UMAD1: variants seen among roughly 807,000 people sequenced by gnomAD.
UMAD1 encodes UBAP1-MVB12-associated (UMA)-domain containing protein 1.
A neutral mutation model predicts 6.1 loss-of-function variants in UMAD1; 8 were observed. The observed-to-expected ratio is 1.30, with a 90% CI of 0.76 to 2.35. UMAD1 has a LOEUF of 2.35. Ranked by LOEUF, UMAD1 falls within the 30% of genes most tolerant of loss-of-function variation. The pLI, the probability that UMAD1 is intolerant of heterozygous loss-of-function variation, is 0.00. For missense variants in UMAD1, 130 were observed against 78.4 expected (o/e 1.66, Z -2.49); for synonymous variants, 56 against 31.4 (o/e 1.78, Z -2.61).
chr7:7,767,398 T>A (rs1782010236), intron 2 of UMAD1, among the ~76,000 whole-genome samples: 2 of 152,160 alleles, frequency 1.3e-5, no homozygotes, highest in Admixed American at 1.3e-4. Context: ...GTGCTGAGAT[T>A]ACAGGCGTGA....
chr7:7,789,996 G>A (rs1331568187), intron 2 of UMAD1, among the ~76,000 whole-genome samples: 1 of 152,132 alleles, frequency 6.6e-6, no homozygotes, highest in East Asian at 1.9e-4. Flanking sequence ...TTCTTACAGA[G>A]TTATTTATTT....
intron 2 of UMAD1, among the ~76,000 whole-genome samples, chr7:7,688,732 A>G (rs1210967576): frequency 2.6e-5 from 4 of 152,120 alleles, no homozygotes; most frequent in African/African-American, 7.2e-5. Flanking sequence ...CTTGCCAATT[A>G]TGTTGTAACC....
chr7:7,826,909 A>G lies in UMAD1; in HGVS notation c.156+25166A>G, dbSNP rs1239285763. On this transcript the variant is annotated intron_variant, in intron 3 of 3. Coordinates refer to ENST00000682710, the MANE Select transcript of UMAD1 (RefSeq NM_001302348.2). ...AAATTTTGCCTTTATGGATCATTCA[A>G]TTCAAAATAATTAGAACTAAAATTT... 2.0e-5 allele frequency among the ~76,000 whole-genome samples: 3 copies of G among 152,302 alleles called. No homozygotes were observed. The South Asian group carries it at 6.2e-4, about 32-fold the overall frequency.
intron 1 of UMAD1, among the ~76,000 whole-genome samples, chr7:7,648,586 C>A (rs1785150030): frequency 6.6e-6 from 1 of 152,154 alleles, no homozygotes; most frequent in African/African-American, 2.4e-5. Context: ...GGAATTGGCT[C>A]ACTCCTGTAA....
At chr7:7,744,063 C>T (rs1413503967) in intron 2 of UMAD1, among the ~76,000 whole-genome samples, 1 of 152,116 alleles carries the variant, frequency 6.6e-6, no homozygotes, top group African/African-American at 2.4e-5. Context: ...TATCCATTAG[C>T]AGTTACTCAC....
chr7:7,869,849 G>T (rs886193347), intron 3 of UMAD1, among the ~76,000 whole-genome samples: 3 of 152,146 alleles, frequency 2.0e-5, no homozygotes, highest in Non-Finnish European at 2.9e-5. Context: ...CAAGAGCGAG[G>T]TTCACAAGGA....
At chr7:7,871,239 T>C (rs1283885253) in intron 3 of UMAD1, among the ~76,000 whole-genome samples, 1 of 152,224 alleles carries the variant, frequency 6.6e-6, no homozygotes, top group East Asian at 1.9e-4. Context: ...GCATCTTTTT[T>C]CTTCCTAAAT....
At chr7:7,644,358 T>C (rs960252512) in intron 1 of UMAD1, among the ~76,000 whole-genome samples, 1 of 151,942 alleles carries the variant, frequency 6.6e-6, no homozygotes, top group Non-Finnish European at 1.5e-5. Context: ...TCCATCCTTT[T>C]TTTTTTTTTA....
At position 7,763,518 on chromosome 7, in the gene UMAD1, A is replaced by G. The variant is rs537834036; in HGVS notation, c.83-38152A>G. On this transcript the variant is annotated intron_variant, in intron 2 of 3. Transcript: ENST00000682710. ...TTATAAATGAGAACATGCAAAGCCA[A>G]TGACATTTTTCCAGTCATTGGAGTA... is the stretch of plus-strand genomic sequence containing the variant. Among the ~76,000 whole-genome samples the G allele has an allele frequency of 5.8e-4, 88 of 152,326 alleles. No homozygotes were observed. The Middle Eastern group carries it at 0.01, about 18-fold the overall frequency.
chr7:7,669,052 A>G (rs113360283), intron 1 of UMAD1, among the ~76,000 whole-genome samples: 2 of 151,348 alleles, frequency 1.3e-5, no homozygotes, highest in South Asian at 2.1e-4. Context: ...AACTCTACAC[A>G]TATATAGACA....
intron 3 of UMAD1, among the ~76,000 whole-genome samples, chr7:7,844,627 A>G (rs1022442050): frequency 1.3e-5 from 2 of 152,140 alleles, no homozygotes; most frequent in African/African-American, 4.8e-5. Flanking sequence ...CATTTTTCTT[A>G]TCTTTTTTCC....
At chr7:7,876,537 A>G (rs1461252105) in intron 3 of UMAD1, among the ~76,000 whole-genome samples, 2 of 152,140 alleles carry the variant, frequency 1.3e-5, no homozygotes, top group East Asian at 1.9e-4. Context: ...TCTTCTATTG[A>G]TTGATATTTA....
chr7:7,811,510 A>C (rs1422994780), intron 3 of UMAD1, among the ~76,000 whole-genome samples: 3 of 152,176 alleles, frequency 2.0e-5, no homozygotes, highest in African/African-American at 7.2e-5. Context: ...ACTAAGTATG[A>C]TCTAGGATAT....
At chr7:7,782,237 A>T (rs1006020160) in intron 2 of UMAD1, among the ~76,000 whole-genome samples, 35 of 127,348 alleles carry the variant, frequency 2.7e-4, no homozygotes, top group Non-Finnish European at 5.9e-4. Flanking sequence ...AAACTTTAGG[A>T]TAAATAAGGG....
intron 2 of UMAD1, among the ~76,000 whole-genome samples, chr7:7,699,143 C>T (rs181900680): frequency 3.0e-4 from 46 of 152,076 alleles, no homozygotes; most frequent in African/African-American, 1.0e-3. Flanking sequence ...TGTGAGCCAC[C>T]GTGCCTGGCT....
intron 3 of UMAD1, among the ~76,000 whole-genome samples, chr7:7,853,249 A>G (rs1466869588): frequency 6.6e-6 from 1 of 151,738 alleles, no homozygotes; most frequent in East Asian, 2.1e-4. Flanking sequence ...TTTTGAAATC[A>G]GAGAGTGAGT....
chr7:7,876,913 T>C (rs1430377367), intron 3 of UMAD1, among the ~76,000 whole-genome samples: 1 of 152,212 alleles, frequency 6.6e-6, no homozygotes, highest in East Asian at 1.9e-4. Flanking sequence ...GATCACTTTG[T>C]ACTCCATTGA....
At chr7:7,732,997 T>C (rs1781288294) in intron 2 of UMAD1, among the ~76,000 whole-genome samples, 1 of 152,240 alleles carries the variant, frequency 6.6e-6, no homozygotes, top group Non-Finnish European at 1.5e-5. Context: ...GAACTACTTA[T>C]TTATTTAATA....
At chr7:7,800,811 A>G (rs376730523) in intron 2 of UMAD1, among the ~76,000 whole-genome samples, 1 of 152,178 alleles carries the variant, frequency 6.6e-6, no homozygotes, top group South Asian at 2.1e-4. Context: ...ATTTCTAACC[A>G]TTAGTGTCAG....
Sources: gnomAD v4.1 joint callset for allele counts (sites outside exome capture counted in the v4.1 genomes callset) on GRCh38, gnomAD v4.1.1 for gene constraint, MANE v1.5 for transcripts, NCBI Gene and HGNC (gene_info 2026-07-23, HGNC 2026-07-21) for gene names.